The following ANGPTL6 variants were observed in gnomAD, a reference collection of about 807,000 sequenced individuals.
The protein encoded by ANGPTL6 is angiopoietin-related protein 6.
ANGPTL6 carries 45 observed loss-of-function variants against 47.4 expected under a neutral mutation model. The observed-to-expected ratio is 0.95, with a 90% confidence interval of 0.75 to 1.22. The LOEUF is 1.22. ANGPTL6 is among the 50% of genes most tolerant of loss of function. ANGPTL6 has a pLI of 0.00. For missense variants in ANGPTL6, 698 were observed against 669.4 expected (o/e 1.04, Z -0.47); for synonymous variants, 290 against 295.9 (o/e 0.98, Z 0.20).
chr19:10,105,377 G>T (rs545546821), upstream of ANGPTL6, among the ~76,000 whole-genome samples: 4 of 152,268 alleles, frequency 2.6e-5, no homozygotes, highest in African/African-American at 9.6e-5. Context: ...ATAGGGAGAT[G>T]GGAGAGACAT....
chr19:10,102,543 T>A, intron 1 of ANGPTL6, 25 bp downstream of exon 1: 1 of 983,478 alleles, frequency 1.0e-6, no homozygotes, highest in Non-Finnish European at 1.2e-6. Flanking sequence ...AGAATCAACC[T>A]CCACCTACCT....
At chr19:10,097,223 CAG>C (rs2088569480) in intron 1 of ANGPTL6, among the ~76,000 whole-genome samples, 2 of 152,096 alleles carry the variant, frequency 1.3e-5, no homozygotes, top group Admixed American at 6.5e-5. Flanking sequence ...CTAGACAACA[CAG>C]AGAGACCCTG....
chr19:10,105,699 A>T (rs1317052439), upstream of ANGPTL6, among the ~76,000 whole-genome samples: 1 of 149,890 alleles, frequency 6.7e-6, no homozygotes, highest in Non-Finnish European at 1.5e-5. Flanking sequence ...CCGATGGGGG[A>T]GGAGAGAGTA....
chr19:10,094,296 G>A (rs544425005), intron 3 of ANGPTL6, among the ~76,000 whole-genome samples: 74 of 152,154 alleles, frequency 4.9e-4, no homozygotes, highest in Admixed American at 2.0e-3. Flanking sequence ...ACAGGCGCCC[G>A]CCACCACGCC....
At position 10,096,312 on chromosome 19, in the gene ANGPTL6, C is replaced by G; in HGVS notation, c.252G>C (p.Ala84=). 1 of 1,243,616 alleles carries G rather than the reference C, an allele frequency of 8.0e-7. No individual in the cohort carries two copies. The highest frequency in any genetic ancestry group is 1.0e-6 in the Non-Finnish European group (1 of 996,328). The allele number at this position is 1,243,616 out of a possible 1,614,324, so 77.0% of individuals were successfully genotyped here. Residue 84 remains alanine (A), a synonymous_variant, in exon 2 of 6, where the codon GCG becomes GCC. Transcript: ENST00000253109. ...ELLRELQRLA[A]ADGAVAGEVR... ...CCTCGCCGGCCACGGCGCCGTCGGC[C>G]GCCGCCAGCCTCTGCAGCTCGCGTA...
intron 2 of ANGPTL6, 53 bp downstream of exon 2, chr19:10,095,929 C>CA: frequency 9.0e-7 from 1 of 1,105,702 alleles, no homozygotes; most frequent in Non-Finnish European, 1.2e-6. Context: ...CGTGGGGTTG[C>CA]AAAACCCCCA....
chr19:10,093,066 G>C, intron 5 of ANGPTL6: 2 of 491,880 alleles, frequency 4.1e-6, no homozygotes, highest in East Asian at 6.2e-5. Context: ...TCAAAGAAAA[G>C]TATCTACTTC....
chr19:10,093,778 T>C lies in ANGPTL6; in HGVS notation c.866A>G (p.Gln289Arg), dbSNP rs1198735805. ...GRHVVSVWCEQQLEGGGWTVI... is the reference protein window; with the variant it reads ...GRHVVSVWCERQLEGGGWTVI... ...AGTCCAGCCTCCACCCTCCAGTTGC[T>C]GCTCACACCATACTGACACTACGTG... Residue 289 changes from glutamine (Q) to arginine (R), a missense_variant, in exon 4 of 6, where the codon CAG becomes CGG. Gln to Arg is a conservative substitution (Grantham distance 43). Transcript: ENST00000253109. 1.2e-6 allele frequency: 2 copies of C among 1,614,130 alleles called. No individual in the cohort carries two copies. Among genetic ancestry groups the C allele is most frequent in the Non-Finnish European group, 1.7e-6 (2 of 1,180,058 alleles).
At chr19:10,103,962 C>A (rs190538854), upstream of ANGPTL6, among the ~76,000 whole-genome samples, 40 of 150,584 alleles carry the variant, frequency 2.7e-4, no homozygotes, top group South Asian at 8.4e-4. Flanking sequence ...GTGTGGTGGC[C>A]CATGCCTGTA....
chr19:10,092,407 G>C lies in ANGPTL6; in HGVS notation c.*182C>G, dbSNP rs536111007. 2 of 1,520,742 alleles carry C rather than the reference G, an allele frequency of 1.3e-6. No homozygotes were observed. The highest frequency in any genetic ancestry group is 4.9e-5 in the East Asian group (2 of 41,158). 94.2% of individuals were successfully genotyped at this position (1,520,742 alleles called of 1,614,324 possible). A position where few individuals can be genotyped will look rare whatever the true frequency, so the allele number is the denominator to read the frequency against. On this transcript the variant is annotated 3_prime_UTR_variant, in exon 6 of 6. Coordinates refer to ENST00000253109, the MANE Select transcript of ANGPTL6 (RefSeq NM_031917.3). ...TATGAATGACCTTGGGGAGCCATCT[G>C]AGGCCAAGATATTGACGGGGGGGAT...
chr19:10,096,511 G>C lies in ANGPTL6; in HGVS notation c.53C>G (p.Ser18Trp). The stretch of plus-strand genomic sequence containing the variant: ...GCGCGGGGCGCCCGCCCGCGCCCAC[G>C]ACGCGCCCAGCAGGAGCAGCAGCTG... ...ALQLLLLLGASWARAGAPRCT... is the reference protein window; with the variant it reads ...ALQLLLLLGAWWARAGAPRCT... Residue 18 changes from serine to tryptophan, a missense_variant, in exon 2 of 6, where the codon TCG (serine) becomes TGG (tryptophan). By Grantham distance (177) the Ser-to-Trp change is radical. Coordinates refer to ENST00000253109, the MANE Select transcript of ANGPTL6 (RefSeq NM_031917.3). 1 of 1,513,208 alleles carries C rather than the reference G, an allele frequency of 6.6e-7. No homozygotes were observed. Among genetic ancestry groups the C allele is most frequent in the Non-Finnish European group, 8.8e-7 (1 of 1,137,598 alleles). The allele number at this position is 1,513,208 out of a possible 1,614,324, so 93.7% of individuals were successfully genotyped here. A position where few individuals can be genotyped will look rare whatever the true frequency, so the allele number is the denominator to read the frequency against.
intron 1 of ANGPTL6, among the ~76,000 whole-genome samples, 188 bp downstream of exon 1, chr19:10,102,380 C>G (rs1274079832): frequency 1.3e-5 from 2 of 151,548 alleles, no homozygotes; most frequent in Non-Finnish European, 3.0e-5. Flanking sequence ...TCCCCGATCA[C>G]TGACATGCCC....
intron 1 of ANGPTL6, among the ~76,000 whole-genome samples, chr19:10,097,142 A>G (rs1056919798): frequency 1.3e-5 from 2 of 152,172 alleles, no homozygotes; most frequent in African/African-American, 4.8e-5. Context: ...GGGGCCGTTC[A>G]GGCCGGTAAT....
At chr19:10,103,896 C>T (rs766745636), upstream of ANGPTL6, among the ~76,000 whole-genome samples, 33 of 151,126 alleles carry the variant, frequency 2.2e-4, no homozygotes, top group Non-Finnish European at 3.5e-4. Context: ...AATTCGAGAC[C>T]AGCCTGGCCA....
chr19:10,092,364 T>C lies in ANGPTL6; in HGVS notation c.*225A>G. 3 of 1,539,926 alleles carry C rather than the reference T, an allele frequency of 1.9e-6. No individual in the cohort carries two copies. The highest frequency in any genetic ancestry group is 1.7e-6 in the Non-Finnish European group (2 of 1,145,310). ...GTGGCTACTTTGTGTTATTATAAGA[T>C]ATGAGCTCAAACCGAGATATGAATG... On this transcript the variant is annotated 3_prime_UTR_variant, in exon 6 of 6. Transcript: ENST00000253109.
At chr19:10,102,877 C>G, upstream of ANGPTL6, 1 of 692,632 alleles carries the variant, frequency 1.4e-6, no homozygotes, top group African/African-American at 1.9e-5. Flanking sequence ...ACATCCCTCC[C>G]TTTCCCCCAC....
At chr19:10,103,842 C>G (rs542374917), upstream of ANGPTL6, among the ~76,000 whole-genome samples, 1 of 150,440 alleles carries the variant, frequency 6.6e-6, no homozygotes, top group East Asian at 1.9e-4. Context: ...CGCCTGTAAT[C>G]CCAGCACTTT....
intron 1 of ANGPTL6, among the ~76,000 whole-genome samples, chr19:10,099,907 C>T (rs1309431742): frequency 7.6e-5 from 11 of 143,914 alleles, no homozygotes; most frequent in Admixed American, 3.5e-4. Flanking sequence ...TTTTTTTAGA[C>T]GGAGTCTCGC....
At chr19:10,096,642 C>A (rs896781163) in intron 1 of ANGPTL6, 69 bp from the exon 2 acceptor site, 27 of 1,208,044 alleles carry the variant, frequency 2.2e-5, no homozygotes, top group African/African-American at 4.8e-5. Flanking sequence ...CGCTTCCACG[C>A]GGGGATGCGC....
Sources: gnomAD v4.1 joint callset for allele counts (sites outside exome capture counted in the v4.1 genomes callset) on GRCh38, gnomAD v4.1.1 for gene constraint, MANE v1.5 for transcripts, NCBI Gene and HGNC (gene_info 2026-07-23, HGNC 2026-07-21) for gene names.